The following CACNA1B variants were observed in gnomAD, a reference collection of about 807,000 sequenced individuals.
CACNA1B encodes voltage-dependent N-type calcium channel subunit alpha-1B.
In CACNA1B, 70 loss-of-function variants were observed where a neutral mutation model predicts 247.2. The ratio of observed to expected loss-of-function variants is 0.28; its 90% CI spans 0.23 to 0.35. The LOEUF is 0.35. CACNA1B is among the 10% of genes least tolerant of loss of function. The probability of loss-of-function intolerance (pLI) is 1.00; values close to 1 mark genes in which losing one functional copy is unlikely to be tolerated. For missense variants in CACNA1B, 2,367 were observed against 3,197.4 expected (o/e 0.74, Z 6.26); for synonymous variants, 1,231 against 1,294.4 (o/e 0.95, Z 1.05).
At chr9:138,076,097 G>A (rs899906963) in intron 35 of CACNA1B, among the ~76,000 whole-genome samples, 187 bp downstream of exon 35, 1 of 152,146 alleles carries the variant, frequency 6.6e-6, no homozygotes, top group African/African-American at 2.4e-5. Context: ...AAAGGCTCTT[G>A]ATATCTGCCC....
At chr9:138,047,584 C>T (rs1467426240) in intron 23 of CACNA1B, 126 bp downstream of exon 23, 7 of 686,570 alleles carry the variant, frequency 1.0e-5, no homozygotes, top group African/African-American at 5.3e-5. Context: ...TAGGTGTGTG[C>T]GTACTGGGTG....
chr9:137,916,349 A>AT (rs1376413052), intron 5 of CACNA1B, among the ~76,000 whole-genome samples: 1 of 151,904 alleles, frequency 6.6e-6, no homozygotes, highest in East Asian at 1.9e-4. Context: ...TTTTAAAAAT[A>AT]TTTTTTTTCG....
chr9:138,105,649 G>C (rs758600980), intron 38 of CACNA1B, 50 bp from the exon 39 acceptor site: 26 of 989,544 alleles, frequency 2.6e-5, no homozygotes, highest in Middle Eastern at 4.0e-4. Context: ...GTCTTGGGGT[G>C]GGGGGTGACC....
intron 10 of CACNA1B, among the ~76,000 whole-genome samples, chr9:137,965,768 T>C (rs1958068625): frequency 6.6e-6 from 1 of 152,124 alleles, no homozygotes; most frequent in Admixed American, 6.5e-5. Context: ...GTGTTTTTAG[T>C]AGAGACAGGG....
intron 6 of CACNA1B, among the ~76,000 whole-genome samples, chr9:137,929,791 C>T (rs979057982): frequency 6.6e-6 from 1 of 151,816 alleles, no homozygotes; most frequent in African/African-American, 2.4e-5. Context: ...GTAGCCAAGA[C>T]CACAGGTGCA....
intron 8 of CACNA1B, among the ~76,000 whole-genome samples, chr9:137,956,423 C>T (rs749833267): frequency 9.9e-5 from 15 of 152,172 alleles, no homozygotes; most frequent in Non-Finnish European, 1.5e-4. Flanking sequence ...TTTGGGAGGC[C>T]GAGGTGGGCG....
intron 20 of CACNA1B, chr9:138,032,714 A>G (rs1959001240): frequency 2.2e-6 from 1 of 450,954 alleles, no homozygotes; most frequent in Non-Finnish European, 4.4e-6. Flanking sequence ...CTTCCTTCTG[A>G]CCTCCATGGT....
intron 3 of CACNA1B, among the ~76,000 whole-genome samples, chr9:137,886,963 G>A (rs554632390): frequency 6.6e-6 from 1 of 150,988 alleles, no homozygotes; most frequent in African/African-American, 2.4e-5. Context: ...GTGGTGATTC[G>A]AGGGACATGG....
rs747931511 is a variant in CACNA1B, at chr9:138,050,177, G to A, written c.3710+862G>A. ...CATTTCATCTCCAGCCTCACCCCCC[G>A]CCCATCCACTTTCACCCCATCGGGG... On this transcript the variant is annotated intron_variant, in intron 24 of 46. Coordinates refer to ENST00000371372, the MANE Select transcript of CACNA1B (RefSeq NM_000718.4). The surrounding 1 kb of genome is among the most constrained non-coding windows in gnomAD (Gnocchi z 5.2). 7 of 962,954 alleles carry A rather than the reference G, an allele frequency of 7.3e-6. No individual in the cohort carries two copies. Among genetic ancestry groups the A allele is most frequent in the Non-Finnish European group, 8.7e-6 (6 of 691,630 alleles). 59.7% of individuals were successfully genotyped at this position (962,954 alleles called of 1,614,324 possible). A position where few individuals can be genotyped will look rare whatever the true frequency, so the allele number is the denominator to read the frequency against.
At chr9:137,959,710 C>T (rs912329085) in intron 10 of CACNA1B, among the ~76,000 whole-genome samples, 6 of 152,144 alleles carry the variant, frequency 3.9e-5, no homozygotes, top group African/African-American at 1.4e-4. Context: ...CTCTTAACCT[C>T]GCCTGTGTCG....
At chr9:138,008,480 G>T (rs936202741) in intron 16 of CACNA1B, among the ~76,000 whole-genome samples, 1 of 152,244 alleles carries the variant, frequency 6.6e-6, no homozygotes, top group African/African-American at 2.4e-5. Context: ...TCAGTGTCCT[G>T]CCCTGTGGGC....
At chr9:138,055,700 C>T (rs999547166) in intron 26 of CACNA1B, among the ~76,000 whole-genome samples, 1 of 152,118 alleles carries the variant, frequency 6.6e-6, no homozygotes, top group African/African-American at 2.4e-5. Context: ...ATCATTCTTA[C>T]CCAGTGTAAT....
rs1958740819 is a variant in CACNA1B at position 138,012,761 on chromosome 9, A to G, written c.2161-368A>G. Among the ~76,000 whole-genome samples the G allele has an allele frequency of 6.6e-6, 1 of 151,988 alleles. No individual in the cohort carries two copies. Among genetic ancestry groups the G allele is most frequent in the Admixed American group, 6.6e-5 (1 of 15,256 alleles). On this transcript the variant is annotated intron_variant, in intron 17 of 46. Coordinates refer to ENST00000371372, the MANE Select transcript of CACNA1B (RefSeq NM_000718.4). This position sits in a 1 kb window ranked among gnomAD's most constrained non-coding sequence, Gnocchi z 4.2. ...CAAAAAACAAAACAAACAAATGGAA[A>G]TATCCAGGCAGTGGCTGGGTACCTG...
At chr9:138,085,521 TC>T (rs1960666321) in intron 36 of CACNA1B, among the ~76,000 whole-genome samples, 1 of 151,058 alleles carries the variant, frequency 6.6e-6, no homozygotes, top group Non-Finnish European at 1.5e-5. Context: ...GACATCCAAA[TC>T]CAAGAAGCTC....
intron 6 of CACNA1B, among the ~76,000 whole-genome samples, chr9:137,942,507 CAG>C (rs1355978760): frequency 6.6e-6 from 1 of 152,138 alleles, no homozygotes; most frequent in East Asian, 1.9e-4. Flanking sequence ...TCATATGAAA[CAG>C]AGACTTGCTC....
intron 12 of CACNA1B, 51 bp downstream of exon 12, chr9:137,976,070 G>A (rs1958216941): frequency 9.0e-7 from 1 of 1,109,328 alleles, no homozygotes; most frequent in Non-Finnish European, 1.4e-6. Flanking sequence ...TCCTGCAGGT[G>A]CACACAGCCC....
Position 137,973,415 on chromosome 9 carries a change from G to A in CACNA1B, c.1543+1823G>A, listed in dbSNP as rs1007077193. ...TTTGCAGGGGCTCATCGTGGGTTCT[G>A]TGCACCTCGGCTGTCCATTCTCCAA... On this transcript the variant is annotated intron_variant, in intron 11 of 46. Coordinates refer to ENST00000371372, the MANE Select transcript of CACNA1B (RefSeq NM_000718.4). The surrounding 1 kb of genome is among the most constrained non-coding windows in gnomAD (Gnocchi z 4.1). Among the ~76,000 whole-genome samples the A allele has an allele frequency of 2.0e-5, 3 of 152,194 alleles. No homozygotes were observed. The highest frequency in any genetic ancestry group is 1.3e-4 in the Admixed American group (2 of 15,280).
intron 12 of CACNA1B, among the ~76,000 whole-genome samples, chr9:137,978,507 G>A (rs1378178246): frequency 3.3e-5 from 5 of 152,092 alleles, no homozygotes; most frequent in African/African-American, 1.2e-4. Flanking sequence ...ATGAAGGAGT[G>A]ACAGGTGGGA....
chr9:138,114,411 C>T lies in CACNA1B; in HGVS notation c.5570C>T (p.Ala1857Val). The stretch of plus-strand genomic sequence containing the variant: ...ATGACAGTGGGGAAGGTTTATGCAG[C>T]TCTGATGATATTCGACTTCTACAAG... Reference protein sequence around the residue: ...DEMTVGKVYAALMIFDFYKQN... With the variant: ...DEMTVGKVYAVLMIFDFYKQN... The change falls in exon 41 of 47, where the codon GCT (alanine) becomes GTT (valine). Residue 1857 changes from alanine (A) to valine (V), a missense_variant. By Grantham distance (64) the Ala-to-Val change is moderately conservative. Around this residue, in one of 12 missense-constraint regions of CACNA1B, gnomAD observed 773 missense variants for 779.4 expected, o/e 0.99. Coordinates refer to ENST00000371372, the MANE Select transcript of CACNA1B (RefSeq NM_000718.4). The T allele has an allele frequency of 6.3e-7, 1 of 1,593,050 alleles. No individual in the cohort carries two copies. Among genetic ancestry groups the T allele is most frequent in the South Asian group, 1.1e-5 (1 of 87,842 alleles).
Sources: allele counts gnomAD v4.1 joint callset (sites outside exome capture counted in the v4.1 genomes callset), GRCh38; gene constraint gnomAD v4.1.1; regional missense constraint gnomAD v4.1.1; non-coding constraint Gnocchi (gnomAD v3.1); transcripts MANE v1.5; gene names NCBI Gene and HGNC (gene_info 2026-07-23, HGNC 2026-07-21).